RBFOX1: variants seen among roughly 807,000 people sequenced by gnomAD.
RBFOX1 encodes RNA binding fox-1 homolog 1.
A neutral mutation model predicts 57.7 loss-of-function variants in RBFOX1; 8 were observed. That is an observed-to-expected ratio of 0.14 (90% confidence interval 0.08 to 0.25). The LOEUF is 0.25. RBFOX1 is among the 10% of genes least tolerant of loss of function. The probability of loss-of-function intolerance (pLI) is 1.00; values close to 1 mark genes in which losing one functional copy is unlikely to be tolerated. For synonymous variants in RBFOX1, 326 were observed against 222.4 expected, an observed-to-expected ratio of 1.47 and a Z score of -4.15; for missense variants, 611 against 548.5, an observed-to-expected ratio of 1.11 and a Z score of -1.14.
chr16:6,462,383 T>C lies in RBFOX1; in HGVS notation c.-64+145326T>C, dbSNP rs141596989. Reference sequence around the variant, plus strand: ...CCTTTTATTCAGTAACTTGCCTTTTTTGCAAGGCATGGTTATTGTCCACAC... The same window carrying C: ...CCTTTTATTCAGTAACTTGCCTTTTCTGCAAGGCATGGTTATTGTCCACAC... On this transcript the variant is annotated intron_variant, in intron 2 of 15. Transcript: ENST00000550418. Among the ~76,000 whole-genome samples, 707 of 152,286 alleles carry C rather than the reference T, an allele frequency of 4.6e-3. 7 individuals carry two copies. The highest frequency in any genetic ancestry group is 0.016 in the African/African-American group (677 of 41,556).
At chr16:5,351,707 A>T (rs1465108882) in intron 1 of RBFOX1, among the ~76,000 whole-genome samples, 1 of 152,046 alleles carries the variant, frequency 6.6e-6, no homozygotes, top group African/African-American at 2.4e-5. Flanking sequence ...TTCAGGTTGG[A>T]CCCTTGATAT....
At chr16:6,570,247 T>C (rs1357553124) in intron 2 of RBFOX1, among the ~76,000 whole-genome samples, 3 of 152,236 alleles carry the variant, frequency 2.0e-5, no homozygotes, top group African/African-American at 7.2e-5. Flanking sequence ...CCATTGTGTA[T>C]TGTTCCCCCT....
chr16:5,493,989 T>C (rs183026205), intron 2 of RBFOX1, among the ~76,000 whole-genome samples: 47 of 152,318 alleles, frequency 3.1e-4, no homozygotes, highest in African/African-American at 1.1e-3. Flanking sequence ...AGGGCAGAGA[T>C]AAACAGCCTT....
chr16:5,641,071 A>G (rs774416217), intron 3 of RBFOX1, among the ~76,000 whole-genome samples: 8 of 150,290 alleles, frequency 5.3e-5, no homozygotes, highest in Non-Finnish European at 1.0e-4. Flanking sequence ...CATGCACACC[A>G]TACACACACA....
In RBFOX1 at chr16:7,047,716, CTTTTTTTTTTTTTTT is replaced by C. The variant is rs55636828; in HGVS notation, c.-15-4326_-15-4312del. On this transcript the variant is annotated intron_variant, in intron 3 of 15. Transcript: ENST00000550418. ...TATTTGTTCCACAGGTCCTGCATTT[CTTTTTTTTTTTTTTT>C]TTTTTTTTTTTTTTGTCTTCAATTT... Among the ~76,000 whole-genome samples, 15 of 47,938 alleles carry C rather than the reference CTTTTTTTTTTTTTTT, an allele frequency of 3.1e-4. 1 individual carries two copies. Among genetic ancestry groups the C allele is most frequent in the East Asian group, 2.8e-3 (7 of 2,464 alleles). The allele number at this position is 47,938 out of a possible 152,430, so 31.4% of individuals were successfully genotyped here.
intron 2 of RBFOX1, among the ~76,000 whole-genome samples, chr16:5,499,013 C>T (rs375035319): frequency 2.3e-4 from 35 of 152,282 alleles, no homozygotes; most frequent in African/African-American, 6.0e-4. Context: ...GGAATTCTGG[C>T]TTATGGGTCT....
At chr16:6,296,775 C>G (rs944388510) in intron 1 of RBFOX1, among the ~76,000 whole-genome samples, 1 of 152,152 alleles carries the variant, frequency 6.6e-6, no homozygotes, top group African/African-American at 2.4e-5. Flanking sequence ...ATCAGATCCA[C>G]ATGAGTTTAC....
intron 1 of RBFOX1, among the ~76,000 whole-genome samples, chr16:6,284,141 T>C (rs1379162540): frequency 1.3e-5 from 2 of 152,206 alleles, no homozygotes; most frequent in Non-Finnish European, 2.9e-5. Flanking sequence ...TAGATGGTAA[T>C]CACTTTGCCC....
chr16:5,894,806 G>A (rs1407919913), intron 4 of RBFOX1, among the ~76,000 whole-genome samples: 1 of 152,108 alleles, frequency 6.6e-6, no homozygotes, highest in Admixed American at 6.5e-5. Context: ...CGGATCACGA[G>A]GTCAGGAGAT....
At chr16:5,454,696 A>G (rs2151574791) in intron 1 of RBFOX1, among the ~76,000 whole-genome samples, 1 of 150,938 alleles carries the variant, frequency 6.6e-6, no homozygotes, top group South Asian at 2.1e-4. Flanking sequence ...CAGCCTCCAT[A>G]ATTATTAGGT....
intron 4 of RBFOX1, among the ~76,000 whole-genome samples, chr16:7,170,981 C>T (rs1458397185): frequency 6.6e-6 from 1 of 152,184 alleles, no homozygotes; most frequent in Non-Finnish European, 1.5e-5. Context: ...TCCTAAAACA[C>T]ACACTCTCCC....
chr16:5,476,190 C>T (rs2069316092), intron 2 of RBFOX1, among the ~76,000 whole-genome samples: 1 of 152,100 alleles, frequency 6.6e-6, no homozygotes, highest in Non-Finnish European at 1.5e-5. Context: ...TCAGGCAATG[C>T]ATGTTACATA....
At chr16:7,354,105 G>A (rs1239648814) in intron 4 of RBFOX1, among the ~76,000 whole-genome samples, 1 of 151,998 alleles carries the variant, frequency 6.6e-6, no homozygotes, top group African/African-American at 2.4e-5. Context: ...CTGAGTATCT[G>A]GGATTACAGG....
chr16:5,663,572 G>C (rs934430452), intron 3 of RBFOX1, among the ~76,000 whole-genome samples: 3 of 152,162 alleles, frequency 2.0e-5, no homozygotes, highest in African/African-American at 7.2e-5. Flanking sequence ...TGAGAGTGCA[G>C]GGGGTGCAAT....
At chr16:7,089,883 C>G (rs561294606) in intron 4 of RBFOX1, among the ~76,000 whole-genome samples, 26 of 147,202 alleles carry the variant, frequency 1.8e-4, no homozygotes, top group Non-Finnish European at 3.0e-4. Flanking sequence ...ATTCTGTTTA[C>G]ATCTTTAATT....
At chr16:6,645,106 C>T (rs1302659511) in intron 2 of RBFOX1, among the ~76,000 whole-genome samples, 2 of 152,174 alleles carry the variant, frequency 1.3e-5, no homozygotes. Flanking sequence ...CTTAGTGTCA[C>T]ATGACTTGTA....
intron 4 of RBFOX1, among the ~76,000 whole-genome samples, chr16:7,111,649 A>G (rs1399697581): frequency 6.6e-6 from 1 of 152,162 alleles, no homozygotes; most frequent in Non-Finnish European, 1.5e-5. Flanking sequence ...ATTTGCTAGG[A>G]TTGAAATGGC....
At chr16:7,215,770 G>T (rs993332280) in intron 4 of RBFOX1, among the ~76,000 whole-genome samples, 3 of 145,016 alleles carry the variant, frequency 2.1e-5, no homozygotes, top group Non-Finnish European at 3.0e-5. Context: ...TGTTGTCCAG[G>T]CGGGAGTGCA....
chr16:6,385,023 G>A (rs1042971136), intron 2 of RBFOX1, among the ~76,000 whole-genome samples: 1 of 152,094 alleles, frequency 6.6e-6, no homozygotes, highest in Non-Finnish European at 1.5e-5. Context: ...CTCCCTGTTT[G>A]CTATCTACAA....
Sources: gnomAD v4.1 joint callset for allele counts (sites outside exome capture counted in the v4.1 genomes callset) on GRCh38, gnomAD v4.1.1 for gene constraint, MANE v1.5 for transcripts, NCBI Gene and HGNC (gene_info 2026-07-23, HGNC 2026-07-21) for gene names.